Variants in JARID2 observed in about 807,000 individuals in gnomAD.
JARID2 encodes the protein jumonji and AT-rich interaction domain containing 2, also known as protein Jumonji.
JARID2 carries 21 observed loss-of-function variants against 125.6 expected under a neutral mutation model. The ratio of observed to expected loss-of-function variants is 0.17; its 90% CI spans 0.12 to 0.24. The LOEUF (loss-of-function observed/expected upper bound fraction) is 0.24, where lower values mean the gene tolerates loss of function less well. Among genes scored for constraint, JARID2 ranks in the 10% least tolerant of loss-of-function variants. JARID2 has a pLI of 1.00. For missense variants in JARID2, 1,303 were observed against 1,639.6 expected (o/e 0.79, Z 3.55); for synonymous variants, 736 against 661.6 (o/e 1.11, Z -1.73).
At chr6:15,307,943 G>C (rs1348074686) in intron 1 of JARID2, among the ~76,000 whole-genome samples, 1 of 152,180 alleles carries the variant, frequency 6.6e-6, no homozygotes, top group Non-Finnish European at 1.5e-5. Flanking sequence ...AGCCAGTCAG[G>C]TGTCAACTAA....
At chr6:15,447,007 A>C (rs1229856354) in intron 3 of JARID2, among the ~76,000 whole-genome samples, 3 of 152,052 alleles carry the variant, frequency 2.0e-5, no homozygotes, top group African/African-American at 7.2e-5. Context: ...TCTTATTAAG[A>C]TCCTTGAACA....
chr6:15,302,590 A>G (rs1761670071), intron 1 of JARID2, among the ~76,000 whole-genome samples: 1 of 152,114 alleles, frequency 6.6e-6, no homozygotes, highest in African/African-American at 2.4e-5. Flanking sequence ...GTTAATTTTT[A>G]CGGTGACCCA....
At chr6:15,416,381 A>ACTCCTGGTGCCTGGG (rs1766212201) in intron 3 of JARID2, among the ~76,000 whole-genome samples, 2 of 152,118 alleles carry the variant, frequency 1.3e-5, no homozygotes, top group Non-Finnish European at 2.9e-5. Context: ...ACGCCACTGC[A>ACTCCTGGTGCCTGGG]CTCCAGCCTG....
chr6:15,500,087 C>G (rs574070792), intron 7 of JARID2, among the ~76,000 whole-genome samples: 3 of 152,216 alleles, frequency 2.0e-5, no homozygotes, highest in East Asian at 1.9e-4. Flanking sequence ...CCCCTACCCC[C>G]CTTCCTTTAT....
In JARID2 at chr6:15,507,273, GT is replaced by G. The variant is rs1561913700; in HGVS notation, c.2660+20del. The G allele has an allele frequency of 6.2e-7, 1 of 1,600,160 alleles. No individual in the cohort carries two copies. The highest frequency in any genetic ancestry group is 8.6e-7 in the Non-Finnish European group (1 of 1,167,318). ...TTTCGAGGTAACCTGGGATTCTCTC[GT>G]CCAGGTTCTTGGGGATGTGACTGCA... On this transcript the variant is annotated intron_variant, in intron 10 of 17. Coordinates refer to ENST00000341776, the MANE Select transcript of JARID2 (RefSeq NM_004973.4).
Position 15,286,672 on chromosome 6 carries a change from AAC to A in JARID2, c.45+40091_45+40092del, listed in dbSNP as rs1761013780. 2.0e-5 allele frequency among the ~76,000 whole-genome samples: 3 copies of A among 151,916 alleles called. No homozygotes were observed. The South Asian group carries it at 6.2e-4, about 32-fold the overall frequency. On this transcript the variant is annotated intron_variant, in intron 1 of 17. Coordinates refer to ENST00000341776, the MANE Select transcript of JARID2 (RefSeq NM_004973.4). The stretch of plus-strand genomic sequence containing the variant: ...TCAGGAGATCGAGAGCATCCTGGCT[AAC>A]ACGGTGAAACCCCGTCTCTAATAAA...
chr6:15,269,679 T>A (rs1760224058), intron 1 of JARID2, among the ~76,000 whole-genome samples: 1 of 151,970 alleles, frequency 6.6e-6, no homozygotes, highest in Non-Finnish European at 1.5e-5. Context: ...AGTGATGGGA[T>A]TACAGGTGTG....
chr6:15,278,786 G>A (rs925457749), intron 1 of JARID2, among the ~76,000 whole-genome samples: 1 of 151,990 alleles, frequency 6.6e-6, no homozygotes, highest in Non-Finnish European at 1.5e-5. Context: ...TTGTCCAGCC[G>A]GGCTGGGCAT....
At chr6:15,388,147 A>G (rs1764858644) in intron 2 of JARID2, among the ~76,000 whole-genome samples, 1 of 152,114 alleles carries the variant, frequency 6.6e-6, no homozygotes, top group African/African-American at 2.4e-5. Flanking sequence ...AGTAGCTTTA[A>G]TTACTATCAG....
At chr6:15,466,467 GA>G (rs1768744453) in intron 4 of JARID2, among the ~76,000 whole-genome samples, 1 of 152,228 alleles carries the variant, frequency 6.6e-6, no homozygotes, top group Non-Finnish European at 1.5e-5. Flanking sequence ...CCTTTTAGAA[GA>G]GGGAAATTTA....
chr6:15,463,468 T>C (rs6925211), intron 4 of JARID2, among the ~76,000 whole-genome samples: 19,313 of 144,592 alleles, frequency 0.13, 1,778 homozygotes, highest in African/African-American at 0.26. Flanking sequence ...TGCCCTCTTG[T>C]TGCCCAAGCT....
chr6:15,259,013 T>C (rs1234315264), intron 1 of JARID2, among the ~76,000 whole-genome samples: 1 of 152,212 alleles, frequency 6.6e-6, no homozygotes, highest in Non-Finnish European at 1.5e-5. Context: ...TTTTTCTTCC[T>C]AACTTATGGA....
chr6:15,515,951 C>T (rs919385600), intron 16 of JARID2, among the ~76,000 whole-genome samples: 4 of 146,866 alleles, frequency 2.7e-5, no homozygotes, highest in Non-Finnish European at 3.0e-5. Flanking sequence ...TGCAGTGAGC[C>T]GAGATCGCGC....
Position 15,468,603 on chromosome 6 carries a change from C to T in JARID2, c.555C>T (p.Val185=), listed in dbSNP as rs147715290. The T allele has an allele frequency of 9.0e-5, 146 of 1,613,890 alleles. No individual in the cohort carries two copies. In the East Asian group the frequency reaches 9.6e-4, roughly 11 times the overall value. The change falls in exon 5 of 18, where the codon GTC becomes GTT. Residue 185 remains valine (V), a synonymous_variant. Transcript: ENST00000341776. Reference sequence around the variant, plus strand: ...GAAGCTCTCAGGATGAGGAGGAAGTCGAGGAGGAAGATGATGAGACAGAAG... The same window carrying T: ...GAAGCTCTCAGGATGAGGAGGAAGTTGAGGAGGAAGATGATGAGACAGAAG... ...YFGSSQDEEE[V]EEEDDETEDV...
At chr6:15,508,923 C>T (rs771000066) in intron 12 of JARID2, 1 of 1,279,168 alleles carries the variant, frequency 7.8e-7, no homozygotes, top group Non-Finnish European at 1.0e-6. Context: ...CCTCTAGTAA[C>T]TGAATATAAA....
At chr6:15,447,879 G>T (rs1767743349) in intron 3 of JARID2, among the ~76,000 whole-genome samples, 1 of 152,192 alleles carries the variant, frequency 6.6e-6, no homozygotes, top group African/African-American at 2.4e-5. Flanking sequence ...AATATTGTGA[G>T]TTTTCAGCAC....
At chr6:15,426,468 A>C (rs1766732461) in intron 3 of JARID2, among the ~76,000 whole-genome samples, 1 of 152,340 alleles carries the variant, frequency 6.6e-6, no homozygotes, top group Non-Finnish European at 1.5e-5. Context: ...CAGACTGGAA[A>C]TGACCAAGAA....
chr6:15,427,640 A>G (rs2127595497), intron 3 of JARID2, among the ~76,000 whole-genome samples: 1 of 152,188 alleles, frequency 6.6e-6, no homozygotes, highest in East Asian at 1.9e-4. Flanking sequence ...ACACCCCCAA[A>G]GGACAAGTCT....
intron 2 of JARID2, among the ~76,000 whole-genome samples, chr6:15,382,188 A>T (rs573343482): frequency 6.6e-6 from 1 of 152,340 alleles, no homozygotes; most frequent in African/African-American, 2.4e-5. Flanking sequence ...GCTGGAACCC[A>T]GGAGGCAGAG....
Sources: allele counts gnomAD v4.1 joint callset (sites outside exome capture counted in the v4.1 genomes callset), GRCh38; gene constraint gnomAD v4.1.1; transcripts MANE v1.5; gene names NCBI Gene and HGNC (gene_info 2026-07-23, HGNC 2026-07-21).